Variants in ALK observed in about 807,000 individuals in gnomAD.
The protein encoded by ALK is ALK receptor tyrosine kinase, also known as ALK tyrosine kinase receptor.
A neutral mutation model predicts 163.1 loss-of-function variants in ALK; 74 were observed. The observed-to-expected ratio is 0.45, with a 90% CI of 0.38 to 0.55. The LOEUF is 0.55. Among genes scored for constraint, ALK ranks in the 20% least tolerant of loss-of-function variants. The probability of loss-of-function intolerance (pLI) is 0.00; values close to 1 mark genes in which losing one functional copy is unlikely to be tolerated. For synonymous variants in ALK, 960 were observed against 843.2 expected (o/e 1.14, Z -2.40); for missense variants, 2,063 against 2,105.3 (o/e 0.98, Z 0.39).
chr2:29,542,654 T>C (rs988661575), intron 3 of ALK, among the ~76,000 whole-genome samples: 2 of 152,220 alleles, frequency 1.3e-5, no homozygotes, highest in Non-Finnish European at 2.9e-5. Context: ...ATTTGTAATT[T>C]CTTTGTAATT....
intron 11 of ALK, among the ~76,000 whole-genome samples, chr2:29,260,402 T>G (rs1391723944): frequency 6.6e-6 from 1 of 152,256 alleles, no homozygotes; most frequent in Non-Finnish European, 1.5e-5. Flanking sequence ...TTTCTTATTT[T>G]AATTTTGAAT....
chr2:29,588,100 C>T (rs1322147170), intron 3 of ALK, among the ~76,000 whole-genome samples: 1 of 152,232 alleles, frequency 6.6e-6, no homozygotes, highest in African/African-American at 2.4e-5. Context: ...ATTGATCTTG[C>T]ATCCCAGCTT....
chr2:29,387,329 C>A (rs1000690242), intron 4 of ALK, among the ~76,000 whole-genome samples: 4 of 152,180 alleles, frequency 2.6e-5, no homozygotes, highest in Non-Finnish European at 4.4e-5. Flanking sequence ...CTGCCTCCAA[C>A]TTTGCATGAA....
rs1239988945 is a variant in ALK, at chr2:29,430,571, T to A, written c.1155-46712A>T. ...ACAAAATTTTATTTATAAAACCAGGTGGCTGGCCTGAGAGTCAGTTTGCCC... is the reference window on the plus strand; with the variant it reads ...ACAAAATTTTATTTATAAAACCAGGAGGCTGGCCTGAGAGTCAGTTTGCCC... On this transcript the variant is annotated intron_variant, in intron 4 of 28. Transcript: ENST00000389048. Among the ~76,000 whole-genome samples the A allele has an allele frequency of 2.0e-5, 3 of 152,276 alleles. No individual in the cohort carries two copies. In the East Asian group the frequency reaches 5.8e-4, roughly 29 times the overall value.
chr2:29,279,785 C>G (rs969839149), intron 9 of ALK, among the ~76,000 whole-genome samples: 1 of 152,212 alleles, frequency 6.6e-6, no homozygotes, highest in African/African-American at 2.4e-5. Context: ...GTGAGTCCCC[C>G]AGAAGTACAG....
intron 11 of ALK, among the ~76,000 whole-genome samples, chr2:29,252,014 C>T (rs2148198411): frequency 6.6e-6 from 1 of 152,314 alleles, no homozygotes; most frequent in Middle Eastern, 3.4e-3. Context: ...CTCCAAGCAA[C>T]AGAGTATAAA....
chr2:29,511,897 T>A lies in ALK; in HGVS notation c.1154+20018A>T, dbSNP rs1282099228. Among the ~76,000 whole-genome samples, 4 of 152,324 alleles carry A rather than the reference T, an allele frequency of 2.6e-5. No individual in the cohort carries two copies. In the East Asian group the frequency reaches 7.7e-4, roughly 29 times the overall value. On this transcript the variant is annotated intron_variant, in intron 4 of 28. Coordinates refer to ENST00000389048, the MANE Select transcript of ALK (RefSeq NM_004304.5). Reference sequence around the variant, plus strand: ...TTCATATGTTTCATGGCCATTTGTATATCTTCTTTAGTGTAACGTCTATTA... The same window carrying A: ...TTCATATGTTTCATGGCCATTTGTAAATCTTCTTTAGTGTAACGTCTATTA...
At chr2:29,198,621 G>A (rs945048776) in intron 26 of ALK, among the ~76,000 whole-genome samples, 2 of 152,174 alleles carry the variant, frequency 1.3e-5, no homozygotes, top group Non-Finnish European at 2.9e-5. Context: ...GTTTCCAAAT[G>A]TGTTACTCTG....
intron 5 of ALK, among the ~76,000 whole-genome samples, chr2:29,360,868 G>A (rs902805740): frequency 6.6e-6 from 1 of 152,192 alleles, no homozygotes; most frequent in African/African-American, 2.4e-5. Context: ...TACTTGTTCT[G>A]GGTTCTCCTA....
intron 4 of ALK, among the ~76,000 whole-genome samples, chr2:29,493,824 T>C (rs1375359744): frequency 2.0e-5 from 3 of 152,188 alleles, no homozygotes; most frequent in Admixed American, 6.5e-5. Context: ...GCGAAGCCCT[T>C]AGGACTTGGT....
intron 4 of ALK, among the ~76,000 whole-genome samples, chr2:29,462,067 T>C (rs1191381955): frequency 1.3e-5 from 2 of 152,094 alleles, no homozygotes; most frequent in African/African-American, 2.4e-5. Flanking sequence ...GCCAGAGAAG[T>C]AGAATTAGAA....
At chr2:29,523,288 C>A (rs1573426492) in intron 4 of ALK, among the ~76,000 whole-genome samples, 1 of 152,286 alleles carries the variant, frequency 6.6e-6, no homozygotes, top group East Asian at 1.9e-4. Flanking sequence ...CTTCTCAGGG[C>A]TAGCTTGCCT....
chr2:29,367,666 C>T (rs894936901), intron 5 of ALK, among the ~76,000 whole-genome samples: 4 of 152,220 alleles, frequency 2.6e-5, no homozygotes, highest in African/African-American at 9.6e-5. Context: ...CTGAGTAGTG[C>T]TGGCAGTGCT....
intron 3 of ALK, among the ~76,000 whole-genome samples, chr2:29,654,970 C>T (rs1417095873): frequency 6.6e-6 from 1 of 152,120 alleles, no homozygotes. Flanking sequence ...TCATTGTTCG[C>T]TTACTGTAGG....
intron 3 of ALK, among the ~76,000 whole-genome samples, chr2:29,691,979 A>G (rs1349121886): frequency 6.6e-6 from 1 of 152,126 alleles, no homozygotes; most frequent in South Asian, 2.1e-4. Context: ...ACCTGTAACG[A>G]CCAAAAAAAA....
intron 1 of ALK, among the ~76,000 whole-genome samples, chr2:29,904,191 T>A (rs985688745): frequency 4.6e-5 from 7 of 152,212 alleles, no homozygotes; most frequent in Admixed American, 2.0e-4. Context: ...ACAATGAATA[T>A]CCTGACTTTG....
chr2:29,198,720 A>C (rs1025509728), intron 26 of ALK, among the ~76,000 whole-genome samples: 4 of 152,186 alleles, frequency 2.6e-5, no homozygotes, highest in Middle Eastern at 3.2e-3. Flanking sequence ...TGCTGATTTT[A>C]AGGGAAAAAA....
chr2:29,605,681 G>A (rs906042087), intron 3 of ALK, among the ~76,000 whole-genome samples: 2 of 152,210 alleles, frequency 1.3e-5, no homozygotes, highest in Non-Finnish European at 2.9e-5. Context: ...AACCGGCCAT[G>A]TGAGCACCCT....
chr2:29,251,710 C>T (rs1385538566), intron 11 of ALK, among the ~76,000 whole-genome samples: 1 of 152,234 alleles, frequency 6.6e-6, no homozygotes, highest in Non-Finnish European at 1.5e-5. Context: ...GGGCAAACAA[C>T]AGGTGCTCAA....
Sources: gnomAD v4.1 joint callset for allele counts (sites outside exome capture counted in the v4.1 genomes callset) on GRCh38, gnomAD v4.1.1 for gene constraint, MANE v1.5 for transcripts, NCBI Gene and HGNC (gene_info 2026-07-23, HGNC 2026-07-21) for gene names.